The following DNMBP variants were observed in gnomAD, a reference collection of about 807,000 sequenced individuals.
The protein encoded by DNMBP is dynamin-binding protein.
Under a neutral mutation model 150.0 loss-of-function variants are expected in DNMBP, and 87 were observed. The ratio of observed to expected loss-of-function variants is 0.58; its 90% CI spans 0.49 to 0.69. The LOEUF (loss-of-function observed/expected upper bound fraction) is 0.69. DNMBP is among the 30% of genes least tolerant of loss of function. The pLI is 0.00. For synonymous variants in DNMBP, 711 were observed against 750.4 expected, an observed-to-expected ratio of 0.95 and a Z score of 0.86; for missense variants, 1,774 against 1,949.0, an observed-to-expected ratio of 0.91 and a Z score of 1.69.
intron 13 of DNMBP, 28 bp downstream of exon 13, chr10:99,886,272 C>A: frequency 1.3e-6 from 2 of 1,570,376 alleles, no homozygotes; most frequent in Non-Finnish European, 1.7e-6. Flanking sequence ...TATAGATGAC[C>A]ATCCCACTGA....
At chr10:99,999,175 G>T (rs2040984482) in intron 1 of DNMBP, among the ~76,000 whole-genome samples, 2 of 152,196 alleles carry the variant, frequency 1.3e-5, no homozygotes, top group Admixed American at 1.3e-4. Context: ...CTCAGTAACT[G>T]CTGGACTGTA....
In DNMBP at chr10:99,902,619, TAAAAAA is replaced by T. The variant is rs559947538; in HGVS notation, c.2555-2559_2555-2554del. Reference sequence around the variant, plus strand: ...AACACCGCACCCGGCTGCCTCCCTTTAAAAAAAAAAAAAAAAAAAAATTGTTGGCTG... The same window carrying T: ...AACACCGCACCCGGCTGCCTCCCTTTAAAAAAAAAAAAAAATTGTTGGCTG... On this transcript the variant is annotated intron_variant, in intron 6 of 16. Coordinates refer to ENST00000324109, the MANE Select transcript of DNMBP (RefSeq NM_015221.4). 9.6e-5 allele frequency among the ~76,000 whole-genome samples: 12 copies of T among 125,172 alleles called. No individual in the cohort carries two copies. The South Asian group carries it at 3.3e-3, about 35-fold the overall frequency. The allele number at this position is 125,172 out of a possible 152,430, so 82.1% of individuals were successfully genotyped here.
In DNMBP at chr10:99,955,515, C is replaced by G. The variant is rs779609451; in HGVS notation, c.1959G>C (p.Gln653His). The part of the protein sequence containing the change: ...RPAPLPPSAQ[Q>H]RTNAVSPKLL... ...GCTTGGGGGATACCGCATTCGTTCT[C>G]TGCTGTGCTGAGGGAGGCAGGGGAG... The change falls in exon 4 of 17, where the codon CAG becomes CAC. Residue 653 changes from glutamine to histidine, a missense_variant. Physicochemically the swap from Gln to His is conservative, Grantham distance 24 (BLOSUM62 0). This residue lies in a region of DNMBP where 1,430 missense variants were observed against 1,492.5 expected (regional missense o/e 0.96). Transcript: ENST00000324109. The G allele has an allele frequency of 3.1e-6, 5 of 1,598,426 alleles. No homozygotes were observed. The highest frequency in any genetic ancestry group is 1.7e-6 in the Non-Finnish European group (2 of 1,172,334).
At chr10:99,971,939 AG>A in intron 2 of DNMBP, 40 bp downstream of exon 2, 3 of 1,582,372 alleles carry the variant, frequency 1.9e-6, no homozygotes, top group Non-Finnish European at 2.6e-6. Flanking sequence ...TAATATGGAA[AG>A]AAGTCAGGGC....
At chr10:99,965,529 C>T (rs1786296742) in intron 3 of DNMBP, among the ~76,000 whole-genome samples, 1 of 144,270 alleles carries the variant, frequency 6.9e-6, no homozygotes, top group African/African-American at 2.6e-5. Flanking sequence ...TGGAGTTTCG[C>T]TCTTGTTGCC....
chr10:99,955,507 T>C lies in DNMBP; in HGVS notation c.1967A>G (p.Asn656Ser), dbSNP rs1363527497. The change falls in exon 4 of 17, where the codon AAT (asparagine) becomes AGT (serine). Residue 656 changes from asparagine to serine, a missense_variant. This residue lies in a region of DNMBP where 1,430 missense variants were observed against 1,492.5 expected (regional missense o/e 0.96). Coordinates refer to ENST00000324109, the MANE Select transcript of DNMBP (RefSeq NM_015221.4). ...AGATAGGAGCTTGGGGGATACCGCA[T>C]TCGTTCTCTGCTGTGCTGAGGGAGG... ...PLPPSAQQRT[N>S]AVSPKLLSRH... 2.5e-6 allele frequency: 4 copies of C among 1,598,200 alleles called. No individual in the cohort carries two copies. The highest frequency in any genetic ancestry group is 2.7e-5 in the African/African-American group (2 of 74,198).
At chr10:99,928,059 A>C (rs549108520) in intron 4 of DNMBP, 29 of 152,324 alleles carry the variant, frequency 1.9e-4, no homozygotes, top group Admixed American at 1.1e-3. Context: ...TCCAGTCCCT[A>C]TCATTTCAGA....
intron 15 of DNMBP, among the ~76,000 whole-genome samples, chr10:99,881,097 G>A (rs1564713146): frequency 6.6e-6 from 1 of 152,064 alleles, no homozygotes; most frequent in Non-Finnish European, 1.5e-5. Context: ...ATGTGGTGGT[G>A]CGCACCTGTA....
At chr10:99,883,955 C>T in intron 15 of DNMBP, 56 bp downstream of exon 15, 4 of 1,550,692 alleles carry the variant, frequency 2.6e-6, no homozygotes, top group Non-Finnish European at 3.5e-6. Context: ...TCGGGTGCAG[C>T]CAAAACTACT....
At chr10:99,908,180 G>T in intron 5 of DNMBP, 86 bp from the exon 6 acceptor site, 1 of 989,734 alleles carries the variant, frequency 1.0e-6, no homozygotes, top group Non-Finnish European at 1.6e-6. Flanking sequence ...TTCAAGAATT[G>T]TAGAAAAATT....
chr10:99,978,031 T>G (rs2133362223), intron 1 of DNMBP, among the ~76,000 whole-genome samples: 1 of 152,342 alleles, frequency 6.6e-6, no homozygotes, highest in African/African-American at 2.4e-5. Context: ...AGCTATTGTA[T>G]GATTATCTAC....
At chr10:99,964,202 G>A (rs1310465538) in intron 3 of DNMBP, among the ~76,000 whole-genome samples, 1 of 143,258 alleles carries the variant, frequency 7.0e-6, no homozygotes, top group Non-Finnish European at 1.5e-5. Flanking sequence ...CAGTGCAGTG[G>A]TGCGATCTCG....
intron 1 of DNMBP, among the ~76,000 whole-genome samples, chr10:99,985,907 T>C (rs1479910428): frequency 6.6e-6 from 1 of 152,116 alleles, no homozygotes; most frequent in Non-Finnish European, 1.5e-5. Flanking sequence ...TGCACCACTA[T>C]GCCTGGCTAA....
chr10:99,886,649 G>A lies in DNMBP; in HGVS notation c.3286-17C>T, dbSNP rs1365614722. On this transcript the variant is annotated splice_polypyrimidine_tract_variant and intron_variant, in intron 12 of 16. Coordinates refer to ENST00000324109, the MANE Select transcript of DNMBP (RefSeq NM_015221.4). ...CCTCTCCTTCTGTAGGGACGAGAAA[G>A]GCACATTGCTCAGCTGGACAGCATC... 1 of 1,601,584 alleles carries A rather than the reference G, an allele frequency of 6.2e-7. No individual in the cohort carries two copies. Among genetic ancestry groups the A allele is most frequent in the Non-Finnish European group, 8.5e-7 (1 of 1,171,364 alleles).
intron 1 of DNMBP, among the ~76,000 whole-genome samples, chr10:99,975,091 G>A (rs1272328046): frequency 1.3e-5 from 2 of 152,212 alleles, no homozygotes; most frequent in Admixed American, 6.5e-5. Flanking sequence ...CAGGCACGGT[G>A]GCTCATGCCT....
chr10:99,936,072 T>A (rs2040227116), intron 4 of DNMBP, among the ~76,000 whole-genome samples: 1 of 152,140 alleles, frequency 6.6e-6, no homozygotes, highest in African/African-American at 2.4e-5. Context: ...AAAGTATAGG[T>A]AAGATTAACT....
chr10:99,930,435 C>G, intron 4 of DNMBP: 1 of 702,988 alleles, frequency 1.4e-6, no homozygotes, highest in East Asian at 2.7e-5. Flanking sequence ...AGGGCTGAGA[C>G]TCTCATAATC....
At chr10:99,985,475 G>C (rs541112869) in intron 1 of DNMBP, among the ~76,000 whole-genome samples, 1 of 152,196 alleles carries the variant, frequency 6.6e-6, no homozygotes, top group African/African-American at 2.4e-5. Flanking sequence ...CCACCCAGGG[G>C]AGAGTACCTA....
Position 99,955,296 on chromosome 10 carries a change from T to C in DNMBP, c.2178A>G (p.Ser726=). ...GATCCTCGAGGGTCTCTGCTCTTGA[T>C]GATTCATCCTGCTTCTCCTCCAGCA... ...NLMLEEKQDE[S]SRAETLEDLK... is the part of the protein sequence containing the mutation. The change falls in exon 4 of 17, where the codon TCA becomes TCG. Residue 726 remains serine (S), a synonymous_variant. Transcript: ENST00000324109. The C allele has an allele frequency of 6.2e-7, 1 of 1,614,146 alleles. No individual in the cohort carries two copies.
Sources: gnomAD v4.1 joint callset for allele counts (sites outside exome capture counted in the v4.1 genomes callset) on GRCh38, gnomAD v4.1.1 for gene constraint, gnomAD v4.1.1 regional missense constraint, MANE v1.5 for transcripts, NCBI Gene and HGNC (gene_info 2026-07-23, HGNC 2026-07-21) for gene names.